The following COPA variants were observed in gnomAD, a reference collection of about 807,000 sequenced individuals.
COPA encodes coat protein complex I subunit alpha.
A neutral mutation model predicts 158.7 loss-of-function variants in COPA; 10 were observed. The ratio of observed to expected loss-of-function variants is 0.06; its 90% CI spans 0.04 to 0.11. COPA has a LOEUF of 0.11. COPA is among the 10% of genes least tolerant of loss of function. COPA has a pLI of 1.00. For missense variants in COPA, 1,065 were observed against 1,536.7 expected, an observed-to-expected ratio of 0.69 and a Z score of 5.13; for synonymous variants, 462 against 542.8, an observed-to-expected ratio of 0.85 and a Z score of 2.07.
chr1:160,290,118 G>A lies in COPA; in HGVS notation c.*39C>T, dbSNP rs777788254. On this transcript the variant is annotated 3_prime_UTR_variant, in exon 33 of 33. Coordinates refer to ENST00000241704, the MANE Select transcript of COPA (RefSeq NM_004371.4). ...GAGGATATAGACACATTCTCTGGGG[G>A]GAACATATGGTGACTGACCCATGCA... The A allele has an allele frequency of 6.3e-7, 1 of 1,597,496 alleles. No individual in the cohort carries two copies. Among genetic ancestry groups the A allele is most frequent in the Non-Finnish European group, 8.6e-7 (1 of 1,165,466 alleles).
chr1:160,292,341 A>C (rs1032894767), intron 28 of COPA, 143 bp from the exon 29 acceptor site: 3 of 1,565,848 alleles, frequency 1.9e-6, no homozygotes, highest in Admixed American at 2.0e-5. Flanking sequence ...GGTGTAAACC[A>C]ACCCCATAGA....
At position 160,292,072 on chromosome 1, in the gene COPA, G is replaced by A; in HGVS notation, c.3087C>T (p.Phe1029=). 1 of 1,614,174 alleles carries A rather than the reference G, an allele frequency of 6.2e-7. No homozygotes were observed. Residue 1029 remains phenylalanine (F), a synonymous_variant, in exon 29 of 33, where the codon TTC becomes TTT. Transcript: ENST00000241704. ...GTGGCACACTGAGAAGGATGGAACG[G>A]AATTTTTCCACAGCCTCCTCAAATT... is the stretch of plus-strand genomic sequence containing the variant. ...VGKFEEAVEK[F]RSILLSVPLL... is the part of the protein sequence containing the mutation.
chr1:160,316,087 T>C (rs1209780117), intron 8 of COPA, among the ~76,000 whole-genome samples: 3 of 152,306 alleles, frequency 2.0e-5, no homozygotes, highest in Admixed American at 1.3e-4. Flanking sequence ...AGGCTGGGCA[T>C]GGTGGCTCAC....
chr1:160,303,238 G>A (rs1205560246), intron 17 of COPA, among the ~76,000 whole-genome samples: 4 of 151,928 alleles, frequency 2.6e-5, no homozygotes, highest in Non-Finnish European at 5.9e-5. Context: ...TACGTGAGAA[G>A]GCAAAATTTA....
chr1:160,343,241 C>A lies in COPA; in HGVS notation c.-71G>T, dbSNP rs761528740. 1.9e-6 allele frequency: 3 copies of A among 1,601,072 alleles called. No homozygotes were observed. The highest frequency in any genetic ancestry group is 1.7e-5 in the Admixed American group (1 of 60,000). ...CCCTGCTGCCCTTCGGACGCCTCCA[C>A]GTCAGCGACCCTCTCCCGCGGTTTC... On this transcript the variant is annotated 5_prime_UTR_variant, in exon 1 of 33. Transcript: ENST00000241704.
At chr1:160,334,055 G>T (rs1215682468) in intron 4 of COPA, among the ~76,000 whole-genome samples, 1 of 152,036 alleles carries the variant, frequency 6.6e-6, no homozygotes, top group Non-Finnish European at 1.5e-5. Flanking sequence ...CTCTAGGATG[G>T]GAATATTATT....
At chr1:160,336,467 A>G (rs922701595) in intron 3 of COPA, among the ~76,000 whole-genome samples, 1 of 152,218 alleles carries the variant, frequency 6.6e-6, no homozygotes, top group Non-Finnish European at 1.5e-5. Flanking sequence ...TCACCTGTCA[A>G]GCAAACAGAC....
At position 160,300,558 on chromosome 1, in the gene COPA, T is replaced by C. The variant is rs536164810; in HGVS notation, c.1668-1294A>G. On this transcript the variant is annotated intron_variant, in intron 17 of 32. Transcript: ENST00000241704. Reference sequence around the variant, plus strand: ...GACTTCAAGGGCAAATTCTAACCAATATTCAAGGAAGAATTAATTCCAGTT... The same window carrying C: ...GACTTCAAGGGCAAATTCTAACCAACATTCAAGGAAGAATTAATTCCAGTT... 3.9e-4 allele frequency among the ~76,000 whole-genome samples: 60 copies of C among 152,124 alleles called. No homozygotes were observed. The South Asian group carries it at 9.5e-3, about 24-fold the overall frequency.
intron 19 of COPA, among the ~76,000 whole-genome samples, chr1:160,298,045 A>G (rs1658471368): frequency 6.6e-6 from 1 of 151,966 alleles, no homozygotes; most frequent in African/African-American, 2.4e-5. Context: ...GCTGGGAATC[A>G]TGGTGCACGC....
chr1:160,322,404 A>C (rs1429519459), intron 8 of COPA, among the ~76,000 whole-genome samples: 2 of 152,158 alleles, frequency 1.3e-5, no homozygotes, highest in South Asian at 2.1e-4. Flanking sequence ...TGAAACTCCT[A>C]TCTCTCACCA....
At chr1:160,317,561 G>A in intron 8 of COPA, 1 of 1,604,220 alleles carries the variant, frequency 6.2e-7, no homozygotes, top group South Asian at 1.1e-5. Context: ...TACTGTCAAA[G>A]ACAGGGCGTT....
At chr1:160,290,821 A>T in intron 31 of COPA, 135 bp from the exon 32 acceptor site, 2 of 780,128 alleles carry the variant, frequency 2.6e-6, no homozygotes, top group Non-Finnish European at 4.3e-6. Flanking sequence ...CAACCTCTGT[A>T]CTGGATGTAT....
intron 9 of COPA, among the ~76,000 whole-genome samples, 197 bp downstream of exon 9, chr1:160,313,793 A>C (rs892279773): frequency 6.6e-6 from 1 of 152,332 alleles, no homozygotes. Flanking sequence ...TAGAGGCAAA[A>C]AATAATATAC....
chr1:160,290,464 A>G, intron 32 of COPA, 28 bp downstream of exon 32: 1 of 1,602,150 alleles, frequency 6.2e-7, no homozygotes, highest in Non-Finnish European at 8.5e-7. Flanking sequence ...TCAATATCCT[A>G]GATATATTTA....
chr1:160,311,774 T>G, intron 11 of COPA, 94 bp downstream of exon 11: 1 of 1,182,220 alleles, frequency 8.5e-7, no homozygotes, highest in Non-Finnish European at 1.1e-6. Context: ...ATAAAATAAA[T>G]AAATGAAAGA....
chr1:160,313,015 G>A, intron 10 of COPA, 70 bp downstream of exon 10: 3 of 1,378,090 alleles, frequency 2.2e-6, no homozygotes, highest in Non-Finnish European at 3.1e-6. Context: ...TAGAGACAAA[G>A]CTAATAATCA....
intron 8 of COPA, among the ~76,000 whole-genome samples, chr1:160,316,865 A>G (rs1659160333): frequency 6.6e-6 from 1 of 152,190 alleles, no homozygotes; most frequent in Non-Finnish European, 1.5e-5. Context: ...AGGAAGAAAT[A>G]TCCAGGTACA....
chr1:160,318,492 C>CAAAAAAAAAAAAAAAAA (rs1184111001), intron 8 of COPA, among the ~76,000 whole-genome samples: 2 of 58,080 alleles, frequency 3.4e-5, no homozygotes, highest in East Asian at 4.3e-4. Flanking sequence ...AAAAAAAAAA[C>CAAAAAAAAAAAAAAAAA]AAAAAAAAAA....
chr1:160,305,833 A>C (rs1003427549), intron 15 of COPA, 60 bp from the exon 16 acceptor site: 1 of 1,354,694 alleles, frequency 7.4e-7, no homozygotes, highest in African/African-American at 1.4e-5. Context: ...TCAGGCTTTG[A>C]TCTACATCAA....
Sources: allele counts gnomAD v4.1 joint callset (sites outside exome capture counted in the v4.1 genomes callset), GRCh38; gene constraint gnomAD v4.1.1; transcripts MANE v1.5; gene names NCBI Gene and HGNC (gene_info 2026-07-23, HGNC 2026-07-21).